NIPA1: variants seen among roughly 807,000 people sequenced by gnomAD.
The protein encoded by NIPA1 is NIPA magnesium transporter 1.
A neutral mutation model predicts 23.9 loss-of-function variants in NIPA1; 13 were observed. That is an observed-to-expected ratio of 0.54 (90% confidence interval 0.35 to 0.87). NIPA1 has a LOEUF of 0.87. Among genes scored for constraint, NIPA1 ranks in the 40% least tolerant of loss-of-function variants. The pLI is 0.01. For missense variants in NIPA1, 362 were observed against 429.7 expected (o/e 0.84, Z 1.39); for synonymous variants, 234 against 202.9 (o/e 1.15, Z -1.30).
At chr15:22,816,178 ATTTTTTTTT>A (rs71117481) in intron 3 of NIPA1, among the ~76,000 whole-genome samples, 1 of 77,458 alleles carries the variant, frequency 1.3e-5, no homozygotes, top group Non-Finnish European at 2.3e-5. Flanking sequence ...AGAAGACCTG[ATTTTTTTTT>A]TTTTTTTTTT....
chr15:22,800,109 C>T (rs1895043643), intron 1 of NIPA1, among the ~76,000 whole-genome samples: 1 of 151,940 alleles, frequency 6.6e-6, no homozygotes, highest in South Asian at 2.1e-4. Flanking sequence ...GCCCAAACCC[C>T]AGCATTGCAC....
Position 22,823,955 on chromosome 15 carries a change from G to A in NIPA1, c.706G>A (p.Val236Met), listed in dbSNP as rs766212364. ...CTGCCTGTGCCTGGTACTCCTGGCC[G>A]TGCTCGGCTGCAGCATCATCGTCCA... Reference protein sequence around the residue: ...ALCLCLVLLAVLGCSIIVQFR... With the variant: ...ALCLCLVLLAMLGCSIIVQFR... Residue 236 changes from valine (V) to methionine (M), a missense_variant, in exon 5 of 5, where the codon GTG becomes ATG. Transcript: ENST00000337435. The A allele has an allele frequency of 6.2e-6, 10 of 1,614,154 alleles. No homozygotes were observed. The highest frequency in any genetic ancestry group is 2.2e-5 in the East Asian group (1 of 44,872).
In NIPA1 at chr15:22,811,561, G is replaced by A. The variant is rs534067916; in HGVS notation, c.227-602G>A. On this transcript the variant is annotated intron_variant, in intron 2 of 4. Coordinates refer to ENST00000337435, the MANE Select transcript of NIPA1 (RefSeq NM_144599.5). ...GGAGGCTGCAGTGAGCCAAGATCAC[G>A]CCAGTGCACTCCAGCCTGGCTGACA... Among the ~76,000 whole-genome samples the A allele has an allele frequency of 2.6e-4, 40 of 152,238 alleles. No individual in the cohort carries two copies. The South Asian group carries it at 6.8e-3, about 26-fold the overall frequency.
chr15:22,813,749 G>A (rs540782229), intron 3 of NIPA1: 48 of 451,018 alleles, frequency 1.1e-4, no homozygotes, highest in Middle Eastern at 3.3e-4. Context: ...TTTCACATGC[G>A]ACGCCTTGAG....
Position 22,826,804 on chromosome 15 carries a change from C to G in NIPA1, c.*2565C>G, listed in dbSNP as rs191460896. On this transcript the variant is annotated 3_prime_UTR_variant, in exon 5 of 5. Transcript: ENST00000337435. ...GTTCAGCAGATACTTCAGTAGGATA[C>G]ATAGCTTTTCTTCCAGTGAAACAAA... 8.9e-4 allele frequency: 136 copies of G among 152,248 alleles called. 2 individuals carry two copies. The highest frequency in any genetic ancestry group is 3.2e-3 in the African/African-American group (131 of 41,542). 9.4% of individuals were successfully genotyped at this position (152,248 alleles called of 1,614,324 possible).
intron 1 of NIPA1, among the ~76,000 whole-genome samples, chr15:22,787,481 A>G (rs1033829340): frequency 2.0e-5 from 3 of 152,230 alleles, no homozygotes; most frequent in Non-Finnish European, 4.4e-5. Context: ...AGTTTGGAGA[A>G]CACGCGCGGC....
chr15:22,810,112 G>A (rs565171278), intron 1 of NIPA1, among the ~76,000 whole-genome samples: 2 of 152,254 alleles, frequency 1.3e-5, no homozygotes, highest in Admixed American at 6.5e-5. Flanking sequence ...AAGGTTGGGA[G>A]ACCTCTCACC....
intron 3 of NIPA1, among the ~76,000 whole-genome samples, chr15:22,817,837 A>G (rs180737467): frequency 1.1e-4 from 16 of 152,136 alleles, no homozygotes; most frequent in African/African-American, 2.2e-4. Context: ...ATCTATATAC[A>G]GTAGCAGTGA....
At chr15:22,798,665 G>A (rs528028062) in intron 1 of NIPA1, among the ~76,000 whole-genome samples, 75 of 149,548 alleles carry the variant, frequency 5.0e-4, no homozygotes, top group African/African-American at 1.7e-3. Flanking sequence ...TGGCCAACAC[G>A]GTGAATCCCC....
At chr15:22,786,979 T>G in intron 1 of NIPA1, 145 bp downstream of exon 1, 1 of 413,048 alleles carries the variant, frequency 2.4e-6, no homozygotes, top group Non-Finnish European at 3.4e-6. Flanking sequence ...CGCGGGCGGG[T>G]GCTCCCCGCG....
At chr15:22,807,724 G>A (rs971072985) in intron 1 of NIPA1, among the ~76,000 whole-genome samples, 3 of 151,898 alleles carry the variant, frequency 2.0e-5, no homozygotes, top group African/African-American at 7.3e-5. Context: ...AATCAGGAAT[G>A]AAAAAGGAGA....
At chr15:22,821,361 CT>C (rs1395592553) in intron 4 of NIPA1, among the ~76,000 whole-genome samples, 1 of 152,204 alleles carries the variant, frequency 6.6e-6, no homozygotes, top group Non-Finnish European at 1.5e-5. Context: ...CCCTGTGTTG[CT>C]TACCAACAAG....
rs576644020 is a variant in NIPA1, at chr15:22,794,170, C to T, written c.178+7336C>T. On this transcript the variant is annotated intron_variant, in intron 1 of 4. Coordinates refer to ENST00000337435, the MANE Select transcript of NIPA1 (RefSeq NM_144599.5). Reference sequence around the variant, plus strand: ...CTGCAACAACCTAGCAACCAGGTGTCATCAACTGAAGGATGATAGCAAAAG... The same window carrying T: ...CTGCAACAACCTAGCAACCAGGTGTTATCAACTGAAGGATGATAGCAAAAG... Among the ~76,000 whole-genome samples, 5 of 152,054 alleles carry T rather than the reference C, an allele frequency of 3.3e-5. No homozygotes were observed. The South Asian group carries it at 6.2e-4, about 19-fold the overall frequency.
Position 22,786,683 on chromosome 15 carries a change from G to A in NIPA1, c.27G>A (p.Ala9=), listed in dbSNP as rs1566772986. The A allele has an allele frequency of 1.8e-5, 18 of 1,028,322 alleles. No homozygotes were observed. The highest frequency in any genetic ancestry group is 7.7e-5 in the South Asian group (2 of 25,820). The allele number at this position is 1,028,322 out of a possible 1,614,324, so 63.7% of individuals were successfully genotyped here. A position where few individuals can be genotyped will look rare whatever the true frequency, so the allele number is the denominator to read the frequency against. The change falls in exon 1 of 5, where the codon GCG becomes GCA. Residue 9 remains alanine, a synonymous_variant. Transcript: ENST00000337435. ...TGGGGACTGCAGCTGCGGCAGCGGC[G>A]GCGGCGGCGGCGGCGGCGGCCGGGG... MGTAAAAA[A]AAAAAAAGEG... is the part of the protein sequence containing the mutation.
chr15:22,799,496 T>G (rs1246165579), intron 1 of NIPA1, among the ~76,000 whole-genome samples: 1 of 151,650 alleles, frequency 6.6e-6, no homozygotes, highest in African/African-American at 2.4e-5. Flanking sequence ...AATACAAAAA[T>G]TGGCCGGCCA....
intron 1 of NIPA1, among the ~76,000 whole-genome samples, chr15:22,805,574 T>A (rs375172807): frequency 1.2e-4 from 18 of 152,070 alleles, no homozygotes; most frequent in African/African-American, 4.3e-4. Context: ...TAATGCCAGC[T>A]ACTCAGGAGG....
Position 22,812,222 on chromosome 15 carries a change from AC to A in NIPA1, c.292del (p.Leu98TrpfsTer12). Reference protein sequence around the residue: ...AYTAVPTVLVTPLGALGVPFG... With the variant: ...AYTAVPTVLVXPLGALGVPFG... ...CACGGCGGTCCCCACGGTCCTGGTA[AC>A]CCCCCTGGGCGCCCTTGGAGTACCG... is the stretch of plus-strand genomic sequence containing the variant. On this transcript the variant is annotated frameshift_variant, in exon 3 of 5. Transcript: ENST00000337435. LOFTEE classifies it high-confidence loss of function. The A allele has an allele frequency of 6.2e-7, 1 of 1,613,712 alleles. No homozygotes were observed. Among genetic ancestry groups the A allele is most frequent in the Non-Finnish European group, 8.5e-7 (1 of 1,179,760 alleles).
At position 22,828,896 on chromosome 15, in the gene NIPA1, T is replaced by C. The variant is rs1450550379; in HGVS notation, c.*4657T>C. ...ACCGGCACTTTCAGCAGTGTTCTGG[T>C]GGCCTGAGATGAGAGCACCGTGTTC... On this transcript the variant is annotated 3_prime_UTR_variant, in exon 5 of 5. Transcript: ENST00000337435. 1 of 152,586 alleles carries C rather than the reference T, an allele frequency of 6.6e-6. No individual in the cohort carries two copies. Among genetic ancestry groups the C allele is most frequent in the African/African-American group, 2.4e-5 (1 of 41,450 alleles). 9.5% of individuals were successfully genotyped at this position (152,586 alleles called of 1,614,324 possible). A position where few individuals can be genotyped will look rare whatever the true frequency, so the allele number is the denominator to read the frequency against.
chr15:22,820,439 T>C lies in NIPA1; in HGVS notation c.444T>C (p.Thr148=). 1 of 1,613,510 alleles carries C rather than the reference T, an allele frequency of 6.2e-7. No homozygotes were observed. Among genetic ancestry groups the C allele is most frequent in the South Asian group, 1.1e-5 (1 of 91,068 alleles). ...IHSPKSESVT[T]QAELEEKLTN... is the part of the protein sequence containing the mutation. ...CCCCAAAGTCTGAGAGTGTGACAAC[T>C]CAGGCTGAGCTGGAGGAAAAGCTGA... is the stretch of plus-strand genomic sequence containing the variant. Residue 148 remains threonine, a synonymous_variant, in exon 4 of 5, where the codon ACT becomes ACC. Coordinates refer to ENST00000337435, the MANE Select transcript of NIPA1 (RefSeq NM_144599.5).
Sources: gnomAD v4.1 joint callset for allele counts (sites outside exome capture counted in the v4.1 genomes callset) on GRCh38, gnomAD v4.1.1 for gene constraint, MANE v1.5 for transcripts, NCBI Gene and HGNC (gene_info 2026-07-23, HGNC 2026-07-21) for gene names.